Variants in STK24 observed in about 807,000 individuals in gnomAD.
The protein encoded by STK24 is serine/threonine-protein kinase 24.
Under a neutral mutation model 55.6 loss-of-function variants are expected in STK24, and 21 were observed. That is an observed-to-expected ratio of 0.38 (90% CI 0.27 to 0.54). STK24 has a LOEUF of 0.54. STK24 is among the 20% of genes least tolerant of loss of function. The pLI is 0.79. For missense variants in STK24, 383 were observed against 538.4 expected (o/e 0.71, Z 2.86); for synonymous variants, 200 against 215.2 (o/e 0.93, Z 0.62).
At chr13:98,528,581 A>G (rs1896496550) in intron 1 of STK24, among the ~76,000 whole-genome samples, 1 of 152,206 alleles carries the variant, frequency 6.6e-6, no homozygotes, top group African/African-American at 2.4e-5. Flanking sequence ...ATTATATTCC[A>G]TAATCCCTTG....
At chr13:98,517,477 T>G (rs1346816980) in intron 2 of STK24, among the ~76,000 whole-genome samples, 1 of 151,926 alleles carries the variant, frequency 6.6e-6, no homozygotes, top group East Asian at 1.9e-4. Flanking sequence ...AATACAAAAA[T>G]TAGCCGGGCA....
chr13:98,460,838 G>A (rs537899460), intron 8 of STK24, among the ~76,000 whole-genome samples: 2 of 151,850 alleles, frequency 1.3e-5, no homozygotes, highest in East Asian at 1.9e-4. Context: ...CCAAGAGTTC[G>A]AGACCAGCTT....
At position 98,566,043 on chromosome 13, in the gene STK24, C is replaced by T. The variant is rs114774147; in HGVS notation, c.42+10702G>A. On this transcript the variant is annotated intron_variant, in intron 1 of 10. Transcript: ENST00000539966. Reference sequence around the variant, plus strand: ...AGCTACCTCCTCTCACGCAGACAACCGCCACCAAGAAGGCCCAGCCCCTCC... The same window carrying T: ...AGCTACCTCCTCTCACGCAGACAACTGCCACCAAGAAGGCCCAGCCCCTCC... Among the ~76,000 whole-genome samples, 1,300 of 152,268 alleles carry T rather than the reference C, an allele frequency of 8.5e-3. 24 individuals carry two copies. The highest frequency in any genetic ancestry group is 0.029 in the African/African-American group (1,192 of 41,540).
In STK24 at chr13:98,452,979, C is replaced by T; in HGVS notation, c.*194G>A. Reference sequence around the variant, plus strand: ...CGCTGGAAGGAGCTGACCCTCCCCACCCATCTGAGAGACTTCATCTGGCTG... The same window carrying T: ...CGCTGGAAGGAGCTGACCCTCCCCATCCATCTGAGAGACTTCATCTGGCTG... On this transcript the variant is annotated 3_prime_UTR_variant, in exon 11 of 11. Coordinates refer to ENST00000539966, the MANE Select transcript of STK24 (RefSeq NM_001032296.4). The T allele has an allele frequency of 2.0e-6, 1 of 511,670 alleles. No homozygotes were observed. The allele number at this position is 511,670 out of a possible 1,614,324, so 31.7% of individuals were successfully genotyped here.
At position 98,447,081 on chromosome 13, in the gene STK24, G is replaced by C. The variant is rs1892893839; in HGVS notation, c.*6092C>G. On this transcript the variant is annotated 3_prime_UTR_variant, in exon 11 of 11. Transcript: ENST00000539966. Reference sequence around the variant, plus strand: ...TGCTTGGAGATCTCTGACATAACGTGTCCGGGATGATGAAGCTAAGCCCCA... The same window carrying C: ...TGCTTGGAGATCTCTGACATAACGTCTCCGGGATGATGAAGCTAAGCCCCA... The C allele has an allele frequency of 2.2e-6, 1 of 450,216 alleles. No homozygotes were observed. Among genetic ancestry groups the C allele is most frequent in the South Asian group, 2.8e-5 (1 of 36,294 alleles). The allele number at this position is 450,216 out of a possible 1,614,324, so 27.9% of individuals were successfully genotyped here. A position where few individuals can be genotyped will look rare whatever the true frequency, so the allele number is the denominator to read the frequency against.
At chr13:98,508,219 C>G (rs60185370) in intron 2 of STK24, among the ~76,000 whole-genome samples, 1 of 151,992 alleles carries the variant, frequency 6.6e-6, no homozygotes, top group South Asian at 2.1e-4. Context: ...ATTTCGTATA[C>G]AGGATCCCAA....
chr13:98,539,532 C>G (rs1416831926), intron 1 of STK24, among the ~76,000 whole-genome samples: 1 of 151,546 alleles, frequency 6.6e-6, no homozygotes, highest in Non-Finnish European at 1.5e-5. Context: ...GCCCAGTGTT[C>G]TTCTCTCGAC....
At chr13:98,541,988 A>G (rs1392211430) in intron 1 of STK24, among the ~76,000 whole-genome samples, 1 of 152,240 alleles carries the variant, frequency 6.6e-6, no homozygotes, top group Non-Finnish European at 1.5e-5. Context: ...TCCTTGGCAC[A>G]GATCAAAGGA....
At chr13:98,465,959 T>C (rs1407622893) in intron 6 of STK24, among the ~76,000 whole-genome samples, 2 of 152,252 alleles carry the variant, frequency 1.3e-5, no homozygotes, top group African/African-American at 4.8e-5. Context: ...TTTTCTAATC[T>C]TTTGTTTCCT....
intron 2 of STK24, among the ~76,000 whole-genome samples, chr13:98,482,545 C>A (rs764980794): frequency 1.3e-5 from 2 of 152,178 alleles, no homozygotes; most frequent in African/African-American, 4.8e-5. Flanking sequence ...CTCGGGGGCC[C>A]GCACCTGACT....
At chr13:98,488,736 C>G (rs1894903823) in intron 2 of STK24, among the ~76,000 whole-genome samples, 1 of 152,074 alleles carries the variant, frequency 6.6e-6, no homozygotes, top group African/African-American at 2.4e-5. Flanking sequence ...AATCATTGAC[C>G]GGAACCAGGG....
Position 98,469,542 on chromosome 13 carries a change from C to CG in STK24, c.598-2982_598-2981insC, listed in dbSNP as rs1236883813. Among the ~76,000 whole-genome samples, 245 of 133,904 alleles carry CG rather than the reference C, an allele frequency of 1.8e-3. 1 individual carries two copies. Among genetic ancestry groups the CG allele is most frequent in the African/African-American group, 5.9e-3 (228 of 38,972 alleles). The allele number at this position is 133,904 out of a possible 152,430, so 87.8% of individuals were successfully genotyped here. ...CAGAGCAAGACCCTGCATCCCCCCC[C>CG]CCAAAAAAAAAAGGCGGCGGGGGGA... On this transcript the variant is annotated intron_variant, in intron 5 of 10. Transcript: ENST00000539966.
intron 2 of STK24, among the ~76,000 whole-genome samples, chr13:98,501,667 A>C (rs969750067): frequency 8.5e-5 from 13 of 152,212 alleles, no homozygotes; most frequent in African/African-American, 1.2e-4. Context: ...ACAAAAATTA[A>C]AAATAAAGCT....
rs533940831 is a variant in STK24, at chr13:98,447,141, G to A, written c.*6032C>T. Reference sequence around the variant, plus strand: ...CCTACATGGTGTAATGGCAGGGACTGCAGACTTCATTTAGCCAAGAAAGAA... The same window carrying A: ...CCTACATGGTGTAATGGCAGGGACTACAGACTTCATTTAGCCAAGAAAGAA... On this transcript the variant is annotated 3_prime_UTR_variant, in exon 11 of 11. Coordinates refer to ENST00000539966, the MANE Select transcript of STK24 (RefSeq NM_001032296.4). The A allele has an allele frequency of 5.6e-5, 13 of 231,438 alleles. No homozygotes were observed. The highest frequency in any genetic ancestry group is 3.1e-4 in the East Asian group (3 of 9,638). The allele number at this position is 231,438 out of a possible 1,614,324, so 14.3% of individuals were successfully genotyped here.
Position 98,448,739 on chromosome 13 carries a change from G to GTTTGT in STK24, c.*4429_*4433dup, listed in dbSNP as rs983582192. ...CATTTTACGAAGTGGACTTCCCGGT[G>GTTTGT]TTTGTTTGTTTGTTTGCAATACACT... On this transcript the variant is annotated 3_prime_UTR_variant, in exon 11 of 11. Transcript: ENST00000539966. 3.2e-5 allele frequency: 1 copy of GTTTGT among 31,326 alleles called. No homozygotes were observed. Among genetic ancestry groups the GTTTGT allele is most frequent in the Admixed American group, 2.3e-4 (1 of 4,300 alleles). 1.9% of individuals were successfully genotyped at this position (31,326 alleles called of 1,614,324 possible). A position where few individuals can be genotyped will look rare whatever the true frequency, so the allele number is the denominator to read the frequency against.
chr13:98,531,351 A>G (rs769121219), intron 1 of STK24, among the ~76,000 whole-genome samples: 1 of 152,216 alleles, frequency 6.6e-6, no homozygotes, highest in Non-Finnish European at 1.5e-5. Flanking sequence ...AAAAAGACCA[A>G]ATAAAAACCA....
chr13:98,503,261 A>G (rs537437872), intron 2 of STK24, among the ~76,000 whole-genome samples: 7 of 152,330 alleles, frequency 4.6e-5, no homozygotes, highest in African/African-American at 1.4e-4. Context: ...ATGGCTGCAG[A>G]AAGTCAGAGA....
intron 1 of STK24, among the ~76,000 whole-genome samples, chr13:98,531,945 G>A (rs1481667963): frequency 6.6e-6 from 1 of 152,138 alleles, no homozygotes; most frequent in African/African-American, 2.4e-5. Flanking sequence ...GACCCTCCCT[G>A]CTGCATGTGG....
At chr13:98,550,971 A>G (rs1042024046) in intron 1 of STK24, among the ~76,000 whole-genome samples, 3 of 152,108 alleles carry the variant, frequency 2.0e-5, no homozygotes, top group African/African-American at 7.2e-5. Flanking sequence ...ATACATGCAT[A>G]TATATTGTGA....
Sources: gnomAD v4.1 joint callset for allele counts (sites outside exome capture counted in the v4.1 genomes callset) on GRCh38, gnomAD v4.1.1 for gene constraint, MANE v1.5 for transcripts, NCBI Gene and HGNC (gene_info 2026-07-23, HGNC 2026-07-21) for gene names.